ATP8B4: variants seen among roughly 807,000 people sequenced by gnomAD.
ATP8B4 encodes probable phospholipid-transporting ATPase IM.
Under a neutral mutation model 145.6 loss-of-function variants are expected in ATP8B4, and 133 were observed. The ratio of observed to expected loss-of-function variants is 0.91; its 90% CI spans 0.79 to 1.05. The LOEUF (loss-of-function observed/expected upper bound fraction) is 1.05. Ranked by LOEUF, ATP8B4 falls within the 50% of genes least tolerant of loss-of-function variation. The pLI is 0.00. For missense variants in ATP8B4, 1,458 were observed against 1,425.2 expected (o/e 1.02, Z -0.37); for synonymous variants, 507 against 492.9 (o/e 1.03, Z -0.38).
intron 2 of ATP8B4, among the ~76,000 whole-genome samples, chr15:50,076,718 G>A (rs780127015): frequency 6.6e-6 from 1 of 152,106 alleles, no homozygotes; most frequent in Non-Finnish European, 1.5e-5. Context: ...AGTCTTAATC[G>A]TTGTGTCTGT....
intron 1 of ATP8B4, among the ~76,000 whole-genome samples, chr15:50,108,818 C>A (rs1216718805): frequency 1.3e-5 from 2 of 152,146 alleles, no homozygotes; most frequent in Non-Finnish European, 2.9e-5. Flanking sequence ...TCGGCTATTT[C>A]CCCATTATTC....
At chr15:50,085,404 G>T (rs1224365013) in intron 2 of ATP8B4, among the ~76,000 whole-genome samples, 1 of 152,120 alleles carries the variant, frequency 6.6e-6, no homozygotes, top group Non-Finnish European at 1.5e-5. Flanking sequence ...GCAATCAGGT[G>T]CAACTACATG....
chr15:49,934,079 A>T lies in ATP8B4; in HGVS notation c.1391T>A (p.Val464Asp). Reference sequence around the variant, plus strand: ...AGCAAGTAACCTAAGGAATTCATGAACTTTGGGATCACCCATTTTAATGGA... The same window carrying T: ...AGCAAGTAACCTAAGGAATTCATGATCTTTGGGATCACCCATTTTAATGGA... ...MESIKMGDPK[V>D]HEFLRLLALC... is the part of the protein sequence containing the mutation. Residue 464 changes from valine (V) to aspartate (D), a missense_variant, in exon 15 of 28, where the codon GTT becomes GAT. By Grantham distance (152) the Val-to-Asp change is radical. Transcript: ENST00000284509. 2 of 1,612,844 alleles carry T rather than the reference A, an allele frequency of 1.2e-6. No individual in the cohort carries two copies. The highest frequency in any genetic ancestry group is 1.7e-6 in the Non-Finnish European group (2 of 1,179,216).
intron 5 of ATP8B4, among the ~76,000 whole-genome samples, chr15:50,043,696 G>A (rs2051487368): frequency 6.6e-6 from 1 of 152,092 alleles, no homozygotes; most frequent in Admixed American, 6.5e-5. Flanking sequence ...GCTCACGCCT[G>A]TAATCCCAGC....
At chr15:50,085,298 C>A (rs1235866312) in intron 2 of ATP8B4, among the ~76,000 whole-genome samples, 3 of 152,110 alleles carry the variant, frequency 2.0e-5, no homozygotes, top group African/African-American at 7.2e-5. Context: ...AATATTTTAG[C>A]CACAGGGGGC....
chr15:50,176,858 G>T (rs1216431837), intron 1 of ATP8B4, among the ~76,000 whole-genome samples: 1 of 152,132 alleles, frequency 6.6e-6, no homozygotes, highest in African/African-American at 2.4e-5. Flanking sequence ...CAATGCAAGG[G>T]TTTCCTGCTC....
Position 49,879,360 on chromosome 15 carries a change from T to C in ATP8B4, c.2781+16A>G. ...TAAAAGAGAAACTAAGTTATAAAGA[T>C]GGAAAAAAAACATACCTGGTCAAAA... On this transcript the variant is annotated intron_variant, in intron 24 of 27. Transcript: ENST00000284509. 3.1e-6 allele frequency: 5 copies of C among 1,591,856 alleles called. No homozygotes were observed. The highest frequency in any genetic ancestry group is 2.3e-5 in the South Asian group (2 of 88,662).
intron 10 of ATP8B4, among the ~76,000 whole-genome samples, chr15:49,981,846 TAA>T (rs1472865695): frequency 1.1e-4 from 16 of 152,174 alleles, no homozygotes; most frequent in Admixed American, 1.0e-3. Context: ...GTAATTTTTG[TAA>T]AGACAAGAAC....
intron 3 of ATP8B4, among the ~76,000 whole-genome samples, chr15:50,048,850 TG>T (rs1041462132): frequency 6.6e-6 from 1 of 152,166 alleles, no homozygotes; most frequent in Admixed American, 6.5e-5. Flanking sequence ...ACAACCTTTC[TG>T]GGGTGGCAGC....
At chr15:50,103,779 G>C (rs1336248211) in intron 2 of ATP8B4, among the ~76,000 whole-genome samples, 3 of 151,968 alleles carry the variant, frequency 2.0e-5, no homozygotes, top group Non-Finnish European at 4.4e-5. Flanking sequence ...GCCAAAGCAA[G>C]ACTAAGCAAA....
At chr15:49,940,846 T>C (rs534433673) in intron 14 of ATP8B4, among the ~76,000 whole-genome samples, 16 of 152,302 alleles carry the variant, frequency 1.1e-4, no homozygotes, top group South Asian at 6.2e-4. Context: ...AGAGCACCAA[T>C]TGGTCAATAA....
chr15:50,005,615 T>C (rs958999455), intron 7 of ATP8B4, among the ~76,000 whole-genome samples: 1 of 152,076 alleles, frequency 6.6e-6, no homozygotes, highest in Admixed American at 6.5e-5. Flanking sequence ...TCCAAAGTCA[T>C]TGAGGAACCC....
intron 7 of ATP8B4, among the ~76,000 whole-genome samples, chr15:50,008,893 A>T (rs2048513683): frequency 6.6e-6 from 1 of 152,196 alleles, no homozygotes; most frequent in African/African-American, 2.4e-5. Flanking sequence ...CTGAAGTAAA[A>T]ACAAACCTAG....
chr15:50,118,168 CGATATA>C (rs540358854), intron 1 of ATP8B4, among the ~76,000 whole-genome samples: 176 of 151,950 alleles, frequency 1.2e-3, no homozygotes, highest in African/African-American at 4.1e-3. Flanking sequence ...ATAAAATAAA[CGATATA>C]GATAATGATA....
At chr15:50,122,525 GTGTT>G (rs3076887), upstream of ATP8B4, among the ~76,000 whole-genome samples, 40,810 of 151,786 alleles carry the variant, frequency 0.27, 6,022 homozygotes, top group East Asian at 0.52. Context: ...AGGTTTTGTT[GTGTT>G]TGTCTGTTTG....
At chr15:49,867,318 G>A (rs1236880881) in intron 25 of ATP8B4, among the ~76,000 whole-genome samples, 2 of 152,304 alleles carry the variant, frequency 1.3e-5, no homozygotes, top group Middle Eastern at 6.8e-3. Context: ...GGCCCTACCT[G>A]CTTAGTAAAT....
chr15:50,156,586 AAG>A (rs2044423933), intron 1 of ATP8B4, among the ~76,000 whole-genome samples: 1 of 152,192 alleles, frequency 6.6e-6, no homozygotes, highest in African/African-American at 2.4e-5. Flanking sequence ...GTAGGCAAAA[AAG>A]AGAGACAGAG....
chr15:50,031,375 C>T (rs956970502), intron 6 of ATP8B4, among the ~76,000 whole-genome samples: 1 of 152,066 alleles, frequency 6.6e-6, no homozygotes, highest in African/African-American at 2.4e-5. Context: ...AGATAAAAGA[C>T]TCCGGTAGTT....
chr15:49,878,299 AC>A (rs1397621227), intron 24 of ATP8B4, among the ~76,000 whole-genome samples: 2 of 152,208 alleles, frequency 1.3e-5, no homozygotes, highest in African/African-American at 4.8e-5. Flanking sequence ...GAAGTTCATT[AC>A]TTTTTTGTAT....
Sources: allele counts gnomAD v4.1 joint callset (sites outside exome capture counted in the v4.1 genomes callset), GRCh38; gene constraint gnomAD v4.1.1; transcripts MANE v1.5; gene names NCBI Gene and HGNC (gene_info 2026-07-23, HGNC 2026-07-21).